The following PDIA6 variants were observed in gnomAD, a reference collection of about 807,000 sequenced individuals.
PDIA6 encodes protein disulfide-isomerase A6.
A neutral mutation model predicts 58.4 loss-of-function variants in PDIA6; 29 were observed. The ratio of observed to expected loss-of-function variants is 0.50; its 90% CI spans 0.37 to 0.68. The LOEUF is 0.68. Among genes scored for constraint, PDIA6 ranks in the 30% least tolerant of loss-of-function variants. The pLI is 0.00. For missense variants in PDIA6, 480 were observed against 551.0 expected, an observed-to-expected ratio of 0.87 and a Z score of 1.29; for synonymous variants, 192 against 202.6, an observed-to-expected ratio of 0.95 and a Z score of 0.44.
rs139788998 is a variant in PDIA6 at position 10,826,020 on chromosome 2, G to C, written c.-48+6182C>G. On this transcript the variant is annotated intron_variant, in intron 1 of 13. Transcript: ENST00000381611. ...ACATGTCCACACAAAACACATACAG[G>C]TATGTTTTAGCAACATTATTCATCA... Among the ~76,000 whole-genome samples, 394 of 152,268 alleles carry C rather than the reference G, an allele frequency of 2.6e-3. 1 individual carries two copies. The highest frequency in any genetic ancestry group is 9.1e-3 in the African/African-American group (377 of 41,550).
At chr2:10,814,706 A>G (rs1017595112), upstream of PDIA6, among the ~76,000 whole-genome samples, 1 of 152,148 alleles carries the variant, frequency 6.6e-6, no homozygotes, top group Non-Finnish European at 1.5e-5. Flanking sequence ...GGGCCCCTTC[A>G]TTTGTCTTTA....
rs754006477 is a variant in PDIA6 at position 10,787,393 on chromosome 2, A to T, written c.1045T>A (p.Leu349Met). ...AGAQSELETALGIGGFGYPAM... is the reference protein window; with the variant it reads ...AGAQSELETAMGIGGFGYPAM... ...GGGTACCCAAACCCTCCAATCCCCAACGCGGTCTCAAGTTCAGACTGGGCT... is the reference window on the plus strand; with the variant it reads ...GGGTACCCAAACCCTCCAATCCCCATCGCGGTCTCAAGTTCAGACTGGGCT... The change falls in exon 11 of 13, where the codon TTG becomes ATG. Residue 349 changes from leucine to methionine, a missense_variant. By Grantham distance (15) the Leu-to-Met change is conservative (BLOSUM62 2). Coordinates refer to ENST00000272227, the MANE Select transcript of PDIA6 (RefSeq NM_005742.4). 1 of 1,614,052 alleles carries T rather than the reference A, an allele frequency of 6.2e-7. No individual in the cohort carries two copies. Among genetic ancestry groups the T allele is most frequent in the Admixed American group, 1.7e-5 (1 of 60,002 alleles).
intron 1 of PDIA6, chr2:10,810,266 C>A (rs367567126): frequency 9.8e-6 from 15 of 1,527,312 alleles, no homozygotes; most frequent in Admixed American, 2.0e-5. Flanking sequence ...ATTAGATAGA[C>A]CCAAATTTCT....
chr2:10,808,694 C>T (rs1236151690), intron 1 of PDIA6, among the ~76,000 whole-genome samples: 4 of 152,236 alleles, frequency 2.6e-5, no homozygotes, highest in Admixed American at 6.5e-5. Context: ...CTAACCAAAG[C>T]GGGGCTGCTC....
chr2:10,826,464 A>G (rs947210690), intron 1 of PDIA6, among the ~76,000 whole-genome samples: 2 of 152,036 alleles, frequency 1.3e-5, no homozygotes, highest in Non-Finnish European at 2.9e-5. Flanking sequence ...GATTCAAGCC[A>G]TTCTCCTGCC....
At chr2:10,787,158 G>C (rs1665805300) in intron 11 of PDIA6, 123 bp downstream of exon 11, 8 of 826,422 alleles carry the variant, frequency 9.7e-6, no homozygotes, top group Non-Finnish European at 1.6e-5. Flanking sequence ...CAATTCTCTG[G>C]AATTAGTTTG....
At chr2:10,825,120 GC>G (rs889128315) in intron 1 of PDIA6, among the ~76,000 whole-genome samples, 1 of 152,166 alleles carries the variant, frequency 6.6e-6, no homozygotes, top group Non-Finnish European at 1.5e-5. Flanking sequence ...GATGCTTCCT[GC>G]CCTCAAACAT....
intron 1 of PDIA6, among the ~76,000 whole-genome samples, chr2:10,831,773 C>T (rs1222631718): frequency 2.0e-5 from 3 of 152,070 alleles, no homozygotes; most frequent in Admixed American, 1.3e-4. Flanking sequence ...CCAAGCGGAA[C>T]CCAGCTCCCG....
chr2:10,799,909 A>C (rs990492809), intron 2 of PDIA6, among the ~76,000 whole-genome samples: 5 of 145,934 alleles, frequency 3.4e-5, no homozygotes, highest in African/African-American at 1.2e-4. Context: ...TTAGGAAAAA[A>C]AAGAAAAAAA....
chr2:10,784,862 G>A (rs1480054122), intron 12 of PDIA6, 72 bp downstream of exon 12: 1 of 1,134,080 alleles, frequency 8.8e-7, no homozygotes, highest in African/African-American at 1.5e-5. Context: ...TTGACTCCAG[G>A]TGCAGAGATG....
intron 11 of PDIA6, among the ~76,000 whole-genome samples, chr2:10,785,750 A>G (rs1665698125): frequency 6.6e-6 from 1 of 152,170 alleles, no homozygotes; most frequent in Non-Finnish European, 1.5e-5. Context: ...CTTTGAGACC[A>G]AGTCACACTC....
chr2:10,808,444 A>C (rs1666852531), intron 1 of PDIA6, among the ~76,000 whole-genome samples: 1 of 111,586 alleles, frequency 9.0e-6, no homozygotes, highest in South Asian at 3.3e-4. Context: ...TTCATTATAG[A>C]GACCAGAGGC....
chr2:10,823,932 G>A lies in PDIA6; in HGVS notation c.-47-4578C>T, dbSNP rs762823298. On this transcript the variant is annotated intron_variant, in intron 1 of 13. Coordinates refer to the PDIA6 transcript ENST00000381611. ...AGGACTGCCCTCCTTTTCTCAATTC[G>A]GGACAACCCTGAAGGCCCTTCCCAG... Among the ~76,000 whole-genome samples the A allele has an allele frequency of 3.8e-4, 58 of 151,600 alleles. 1 individual carries two copies. Among genetic ancestry groups the A allele is most frequent in the Admixed American group, 1.3e-4 (2 of 15,208 alleles).
At chr2:10,833,348 A>G (rs772966611), upstream of PDIA6, among the ~76,000 whole-genome samples, 56 of 152,212 alleles carry the variant, frequency 3.7e-4, no homozygotes, top group Middle Eastern at 3.4e-3. Context: ...TCCCGTTTGG[A>G]ATTTCCCGAT....
upstream of PDIA6, among the ~76,000 whole-genome samples, chr2:10,834,725 T>TCCCTCCCTC (rs1558468727): frequency 6.2e-3 from 94 of 15,190 alleles, 5 homozygotes; most frequent in South Asian, 0.051. Context: ...CTCCCTCCCT[T>TCCCTCCCTC]CCTTCCCTCC....
intron 2 of PDIA6, chr2:10,819,158 T>C: frequency 3.2e-6 from 2 of 632,072 alleles, no homozygotes; most frequent in Non-Finnish European, 5.6e-6. Context: ...TTCCATCATA[T>C]GACTAGACCT....
chr2:10,821,073 A>G lies in PDIA6; in HGVS notation c.-47-1719T>C, dbSNP rs1235151246. The G allele has an allele frequency of 9.7e-6, 5 of 514,888 alleles. No homozygotes were observed. In the African/African-American group the frequency reaches 9.7e-5, roughly 10 times the overall value. The allele number at this position is 514,888 out of a possible 1,614,324, so 31.9% of individuals were successfully genotyped here. A position where few individuals can be genotyped will look rare whatever the true frequency, so the allele number is the denominator to read the frequency against. On this transcript the variant is annotated intron_variant, in intron 1 of 13. Coordinates refer to the PDIA6 transcript ENST00000381611. ...CAGAATTTTCAGGTCGTGTTTTAAA[A>G]CAGCCTTCGGAGATTTGGAATGCCC...
At chr2:10,823,848 G>T (rs1006928521) in intron 1 of PDIA6, among the ~76,000 whole-genome samples, 2 of 151,384 alleles carry the variant, frequency 1.3e-5, no homozygotes, top group Admixed American at 6.6e-5. Flanking sequence ...TGTGCCCAAG[G>T]TTATACTCCC....
At chr2:10,836,543 C>T (rs76776329), upstream of PDIA6, among the ~76,000 whole-genome samples, 3 of 140,394 alleles carry the variant, frequency 2.1e-5, no homozygotes, top group African/African-American at 2.6e-5. Flanking sequence ...CTTTTGCAGG[C>T]TTTTTTTTTT....
Sources: allele counts gnomAD v4.1 joint callset (sites outside exome capture counted in the v4.1 genomes callset), GRCh38; gene constraint gnomAD v4.1.1; transcripts MANE v1.5; gene names NCBI Gene and HGNC (gene_info 2026-07-23, HGNC 2026-07-21).